SHANK2: variants seen among roughly 807,000 people sequenced by gnomAD.
SHANK2 encodes the protein SH3 and multiple ankyrin repeat domains protein 2.
A neutral mutation model predicts 133.7 loss-of-function variants in SHANK2; 43 were observed. The observed-to-expected ratio is 0.32, with a 90% CI of 0.25 to 0.41. The LOEUF (loss-of-function observed/expected upper bound fraction) is 0.41. Among genes scored for constraint, SHANK2 ranks in the 10% least tolerant of loss-of-function variants. The probability of loss-of-function intolerance (pLI) is 1.00; values close to 1 mark genes in which losing one functional copy is unlikely to be tolerated. For missense variants in SHANK2, 1,994 were observed against 2,235.8 expected (o/e 0.89, Z 2.18); for synonymous variants, 1,017 against 952.8 (o/e 1.07, Z -1.24).
chr11:70,622,260 AG>A (rs1486803340), intron 17 of SHANK2, among the ~76,000 whole-genome samples: 2 of 152,094 alleles, frequency 1.3e-5, no homozygotes, highest in African/African-American at 2.4e-5. Flanking sequence ...GTCTCAGCAA[AG>A]GGCCCCACAG....
At chr11:70,554,133 G>A (rs190550186) in intron 17 of SHANK2, among the ~76,000 whole-genome samples, 130 of 152,324 alleles carry the variant, frequency 8.5e-4, no homozygotes, top group African/African-American at 2.8e-3. Context: ...AGGAACTCCC[G>A]AGTCCAGCCC....
chr11:71,128,244 C>A (rs1233114999), intron 3 of SHANK2, among the ~76,000 whole-genome samples: 3 of 152,220 alleles, frequency 2.0e-5, no homozygotes, highest in African/African-American at 7.2e-5. Context: ...TCTCCTCACT[C>A]TCTCCTAACT....
intron 2 of SHANK2, among the ~76,000 whole-genome samples, chr11:71,181,331 G>C (rs1341994563): frequency 1.3e-5 from 2 of 152,208 alleles, no homozygotes; most frequent in East Asian, 3.9e-4. Flanking sequence ...GTGGCACATG[G>C]CCTTTAAGAA....
Position 70,673,174 on chromosome 11 carries a change from C to T in SHANK2, c.1854-11496G>A, listed in dbSNP as rs560637909. 1.9e-4 allele frequency among the ~76,000 whole-genome samples: 29 copies of T among 152,146 alleles called. 1 individual carries two copies. In the South Asian group the frequency reaches 3.9e-3, roughly 21 times the overall value. On this transcript the variant is annotated intron_variant, in intron 15 of 25. Coordinates refer to ENST00000601538, the MANE Select transcript of SHANK2 (RefSeq NM_012309.5). ...GGACAAATGGGGTGAGTTGGTCGCC[C>T]GCCACTGAAGGTCCAGGCAGCCTGC... is the stretch of plus-strand genomic sequence containing the variant.
intron 8 of SHANK2, among the ~76,000 whole-genome samples, chr11:71,086,434 T>C (rs1951417790): frequency 7.8e-6 from 1 of 128,832 alleles, no homozygotes; most frequent in Non-Finnish European, 1.6e-5. Flanking sequence ...ATTATATATT[T>C]ATAATTTATA....
chr11:70,813,381 C>T (rs922154579), intron 12 of SHANK2, among the ~76,000 whole-genome samples: 6 of 152,166 alleles, frequency 3.9e-5, no homozygotes, highest in African/African-American at 1.4e-4. Context: ...CGAGCACCAG[C>T]TCACCCTGGA....
chr11:71,223,477 T>C (rs572357163), intron 2 of SHANK2, among the ~76,000 whole-genome samples: 1 of 152,350 alleles, frequency 6.6e-6, no homozygotes, highest in Admixed American at 6.5e-5. Flanking sequence ...CAATACAGTA[T>C]AGCAAACATT....
At position 71,143,416 on chromosome 11, in the gene SHANK2, G is replaced by A. The variant is rs1490141349; in HGVS notation, c.207+3704C>T. On this transcript the variant is annotated intron_variant, in intron 3 of 25. Coordinates refer to ENST00000601538, the MANE Select transcript of SHANK2 (RefSeq NM_012309.5). ...AAATCCATGCTTTTCGCACAAAACA[G>A]CCAAAGGTTTCAGCCTGCCCGATGC... is the stretch of plus-strand genomic sequence containing the variant. Among the ~76,000 whole-genome samples the A allele has an allele frequency of 2.0e-5, 3 of 152,220 alleles. No homozygotes were observed. In the East Asian group the frequency reaches 5.8e-4, roughly 29 times the overall value.
chr11:70,675,037 G>C (rs528360028), intron 15 of SHANK2, among the ~76,000 whole-genome samples: 1 of 152,350 alleles, frequency 6.6e-6, no homozygotes, highest in Non-Finnish European at 1.5e-5. Flanking sequence ...TGCCTGGCTT[G>C]ATGTAACACC....
intron 14 of SHANK2, among the ~76,000 whole-genome samples, chr11:70,756,394 G>A (rs1341822733): frequency 2.0e-5 from 3 of 152,176 alleles, no homozygotes; most frequent in African/African-American, 7.2e-5. Flanking sequence ...CCACGGTGCT[G>A]GGCCTAGGGA....
intron 17 of SHANK2, among the ~76,000 whole-genome samples, chr11:70,614,845 C>A (rs576826667): frequency 4.7e-4 from 72 of 152,238 alleles, no homozygotes; most frequent in Non-Finnish European, 1.5e-4. Context: ...CTCCCCTCCC[C>A]ACTAACTTAA....
chr11:71,135,895 C>G (rs1191447552), intron 3 of SHANK2, among the ~76,000 whole-genome samples: 1 of 152,070 alleles, frequency 6.6e-6, no homozygotes, highest in Admixed American at 6.6e-5. Context: ...TGAAGCTGTT[C>G]TGGTTGCCCA....
intron 1 of SHANK2, among the ~76,000 whole-genome samples, chr11:71,242,013 A>G (rs1208999036): frequency 6.6e-6 from 1 of 152,208 alleles, no homozygotes; most frequent in Non-Finnish European, 1.5e-5. Context: ...TGAATGTATA[A>G]ACAAAATGTG....
chr11:71,092,125 C>T (rs1230735641), intron 8 of SHANK2, among the ~76,000 whole-genome samples: 1 of 152,214 alleles, frequency 6.6e-6, no homozygotes, highest in African/African-American at 2.4e-5. Flanking sequence ...GGGGCGTCCA[C>T]CCCATAACTG....
chr11:71,147,406 G>T lies in SHANK2; in HGVS notation c.-12-68C>A. 6 of 1,327,780 alleles carry T rather than the reference G, an allele frequency of 4.5e-6. No homozygotes were observed. The African/African-American group carries it at 5.8e-5, about 13-fold the overall frequency. The allele number at this position is 1,327,780 out of a possible 1,614,324, so 82.2% of individuals were successfully genotyped here. ...AAATGAAAGAAAACCCAGGGGCACG[G>T]TGGACACTGGCGCTGGAACACACGT... On this transcript the variant is annotated intron_variant, in intron 2 of 25. Coordinates refer to ENST00000601538, the MANE Select transcript of SHANK2 (RefSeq NM_012309.5).
chr11:71,094,508 G>A (rs782170776), intron 7 of SHANK2, 29 bp downstream of exon 7: 3 of 1,541,000 alleles, frequency 1.9e-6, no homozygotes, highest in African/African-American at 2.7e-5. Context: ...GCACGGGGTG[G>A]CACCCAAGTA....
intron 3 of SHANK2, among the ~76,000 whole-genome samples, chr11:71,121,827 T>C (rs1211787928): frequency 6.6e-6 from 1 of 152,168 alleles, no homozygotes; most frequent in Admixed American, 6.5e-5. Context: ...CATCAAAAAG[T>C]GGGCAAAGGA....
intron 17 of SHANK2, among the ~76,000 whole-genome samples, chr11:70,559,465 C>A (rs184174943): frequency 6.6e-6 from 1 of 152,250 alleles, no homozygotes; most frequent in East Asian, 1.9e-4. Context: ...TGGCTTTTTT[C>A]ACCTCAAATC....
At chr11:70,806,558 T>G (rs1948164852) in intron 13 of SHANK2, among the ~76,000 whole-genome samples, 1 of 152,166 alleles carries the variant, frequency 6.6e-6, no homozygotes, top group African/African-American at 2.4e-5. Flanking sequence ...GCTTTGAGAA[T>G]CTTTCCTTCC....
Sources: gnomAD v4.1 joint callset for allele counts (sites outside exome capture counted in the v4.1 genomes callset) on GRCh38, gnomAD v4.1.1 for gene constraint, MANE v1.5 for transcripts, NCBI Gene and HGNC (gene_info 2026-07-23, HGNC 2026-07-21) for gene names.